The following GPC6 variants were observed in gnomAD, a reference collection of about 807,000 sequenced individuals.
The protein encoded by GPC6 is glypican-6.
In GPC6, 14 loss-of-function variants were observed where a neutral mutation model predicts 55.2. That is an observed-to-expected ratio of 0.25 (90% CI 0.17 to 0.40). The LOEUF (loss-of-function observed/expected upper bound fraction) is 0.40. GPC6 is among the 10% of genes least tolerant of loss of function. GPC6 has a pLI of 1.00. For missense variants in GPC6, 641 were observed against 708.5 expected (o/e 0.90, Z 1.08); for synonymous variants, 278 against 259.6 (o/e 1.07, Z -0.68).
chr13:94,158,485 C>A (rs1471106127), intron 4 of GPC6, among the ~76,000 whole-genome samples: 1 of 151,740 alleles, frequency 6.6e-6, no homozygotes, highest in Non-Finnish European at 1.5e-5. Flanking sequence ...AATTTAAATG[C>A]AATTTAGAAA....
intron 2 of GPC6, among the ~76,000 whole-genome samples, chr13:93,603,236 A>G (rs1878099940): frequency 6.6e-6 from 1 of 152,046 alleles, no homozygotes; most frequent in Non-Finnish European, 1.5e-5. Flanking sequence ...TCAAACTCCT[A>G]AATTCAAGCG....
At chr13:93,842,740 A>G (rs559655620) in intron 3 of GPC6, among the ~76,000 whole-genome samples, 1 of 152,204 alleles carries the variant, frequency 6.6e-6, no homozygotes, top group African/African-American at 2.4e-5. Flanking sequence ...AATCACCAGG[A>G]TATTTATTTT....
At position 93,641,844 on chromosome 13, in the gene GPC6, T is replaced by C. The variant is rs928572094; in HGVS notation, c.319+96423T>C. Among the ~76,000 whole-genome samples the C allele has an allele frequency of 3.3e-5, 5 of 152,092 alleles. No homozygotes were observed. In the East Asian group the frequency reaches 9.6e-4, roughly 29 times the overall value. ...TTAATAAATAGGTGACACAAACTCA[T>C]GTGATATATACTTTTTTTCAGAAAT... On this transcript the variant is annotated intron_variant, in intron 2 of 8. Transcript: ENST00000377047.
At chr13:93,801,954 C>T (rs2138938634) in intron 2 of GPC6, among the ~76,000 whole-genome samples, 1 of 152,222 alleles carries the variant, frequency 6.6e-6, no homozygotes, top group South Asian at 2.1e-4. Flanking sequence ...CTTCTTCATG[C>T]TGCAAATGAA....
At chr13:93,673,008 A>G (rs1881434340) in intron 2 of GPC6, among the ~76,000 whole-genome samples, 1 of 152,204 alleles carries the variant, frequency 6.6e-6, no homozygotes, top group African/African-American at 2.4e-5. Flanking sequence ...TAACATTCCT[A>G]GAAAAGACAA....
intron 1 of GPC6, among the ~76,000 whole-genome samples, chr13:93,411,211 G>C (rs1876482526): frequency 6.6e-6 from 1 of 152,128 alleles, no homozygotes; most frequent in Non-Finnish European, 1.5e-5. Context: ...GGCCCTACTT[G>C]TGTTGGAGTC....
At chr13:93,316,096 TTCTTTTATGCA>T (rs1184654018) in intron 1 of GPC6, among the ~76,000 whole-genome samples, 1 of 152,100 alleles carries the variant, frequency 6.6e-6, no homozygotes, top group Non-Finnish European at 1.5e-5. Context: ...CAGGTTTATC[TTCTTTTATGCA>T]TCCATGGTAT....
intron 6 of GPC6, among the ~76,000 whole-genome samples, chr13:94,306,617 A>G (rs1566657083): frequency 6.6e-6 from 1 of 152,200 alleles, no homozygotes. Flanking sequence ...TGTGTCTTTA[A>G]AAAGTTGGAA....
chr13:93,652,139 A>G (rs1269369839), intron 2 of GPC6, among the ~76,000 whole-genome samples: 1 of 152,232 alleles, frequency 6.6e-6, no homozygotes, highest in African/African-American at 2.4e-5. Flanking sequence ...TTCACAAGAA[A>G]CAAATTAAAA....
intron 3 of GPC6, among the ~76,000 whole-genome samples, chr13:93,836,397 G>T (rs979329327): frequency 2.2e-4 from 34 of 152,274 alleles, no homozygotes; most frequent in Admixed American, 2.2e-3. Flanking sequence ...TATCACCTGA[G>T]TTACTTGTTT....
At chr13:93,713,697 G>A (rs1490054704) in intron 2 of GPC6, among the ~76,000 whole-genome samples, 2 of 126,888 alleles carry the variant, frequency 1.6e-5, no homozygotes, top group South Asian at 5.0e-4. Flanking sequence ...ATTTAGTGAT[G>A]TTAATTGCCC....
In GPC6 at chr13:93,441,720, G is replaced by C. The variant is rs984493785; in HGVS notation, c.161-103543G>C. Among the ~76,000 whole-genome samples the C allele has an allele frequency of 7.4e-4, 112 of 152,112 alleles. 11 individuals are homozygous for C. The highest frequency in any genetic ancestry group is 1.5e-5 in the Non-Finnish European group (1 of 68,020). ...TAATTAGATCCCGTTTGTCAATTTT[G>C]GCTTTTGTTGCCATTACTTTTGGTG... On this transcript the variant is annotated intron_variant, in intron 1 of 8. Transcript: ENST00000377047.
At chr13:93,832,640 T>G (rs980490602) in intron 3 of GPC6, among the ~76,000 whole-genome samples, 2 of 152,174 alleles carry the variant, frequency 1.3e-5, no homozygotes, top group Admixed American at 1.3e-4. Flanking sequence ...CTATCCCTCC[T>G]GTTTTTCAGT....
intron 2 of GPC6, among the ~76,000 whole-genome samples, chr13:93,594,252 T>C (rs2139512642): frequency 6.6e-6 from 1 of 151,996 alleles, no homozygotes; most frequent in East Asian, 1.9e-4. Context: ...GTTGTACAGA[T>C]TATTTCGTCA....
chr13:94,187,388 G>C (rs576806977), intron 4 of GPC6: 36 of 152,290 alleles, frequency 2.4e-4, no homozygotes, highest in African/African-American at 8.7e-4. Flanking sequence ...GAAAAAGAAA[G>C]CAGAACGATG....
chr13:94,371,283 G>A lies in GPC6; in HGVS notation c.1153-11131G>A, dbSNP rs1418264013. On this transcript the variant is annotated intron_variant, in intron 6 of 8. Transcript: ENST00000377047. Reference sequence around the variant, plus strand: ...TGTATTTTTATAAAGATAGAAATAGGAATTCTAATCCTGAATCACATTGAA... The same window carrying A: ...TGTATTTTTATAAAGATAGAAATAGAAATTCTAATCCTGAATCACATTGAA... 2.6e-5 allele frequency among the ~76,000 whole-genome samples: 4 copies of A among 152,140 alleles called. No homozygotes were observed. The South Asian group carries it at 8.3e-4, about 32-fold the overall frequency.
intron 4 of GPC6, among the ~76,000 whole-genome samples, chr13:94,184,413 A>G (rs1889101082): frequency 6.6e-6 from 1 of 152,324 alleles, no homozygotes. Flanking sequence ...AACATCCAGA[A>G]TCTAGAAGGA....
intron 4 of GPC6, among the ~76,000 whole-genome samples, chr13:94,253,447 TAA>T (rs1461012792): frequency 1.3e-5 from 2 of 152,110 alleles, no homozygotes; most frequent in Admixed American, 6.6e-5. Context: ...TTTTATTTAA[TAA>T]GAGAGGAGTT....
At position 93,466,223 on chromosome 13, in the gene GPC6, A is replaced by G. The variant is rs553555628; in HGVS notation, c.161-79040A>G. Among the ~76,000 whole-genome samples the G allele has an allele frequency of 2.0e-5, 3 of 152,196 alleles. No individual in the cohort carries two copies. In the South Asian group the frequency reaches 6.2e-4, roughly 32 times the overall value. The stretch of plus-strand genomic sequence containing the variant: ...ACAAACTTTCAAATTGTAAAAAAAA[A>G]CAGTATCTGTGAAGAACAATAAAGT... On this transcript the variant is annotated intron_variant, in intron 1 of 8. Coordinates refer to ENST00000377047, the MANE Select transcript of GPC6 (RefSeq NM_005708.5).
Sources: allele counts gnomAD v4.1 joint callset (sites outside exome capture counted in the v4.1 genomes callset), GRCh38; gene constraint gnomAD v4.1.1; transcripts MANE v1.5; gene names NCBI Gene and HGNC (gene_info 2026-07-23, HGNC 2026-07-21).